Variants in SENP2 observed in about 807,000 individuals in gnomAD.
The protein encoded by SENP2 is SUMO specific peptidase 2, also known as sentrin-specific protease 2.
In SENP2, 16 loss-of-function variants were observed where a neutral mutation model predicts 86.3. The observed-to-expected ratio is 0.19, with a 90% CI of 0.13 to 0.28. The LOEUF (loss-of-function observed/expected upper bound fraction) is 0.28, where lower values mean the gene tolerates loss of function less well. Ranked by LOEUF, SENP2 falls within the 10% of genes least tolerant of loss-of-function variation. The pLI is 1.00. For synonymous variants in SENP2, 222 were observed against 238.7 expected (o/e 0.93, Z 0.64); for missense variants, 552 against 703.0 (o/e 0.79, Z 2.43).
At chr3:185,609,086 A>C (rs749416079) in intron 6 of SENP2, 161 bp from the exon 7 acceptor site, 8 of 549,214 alleles carry the variant, frequency 1.5e-5, no homozygotes, top group Non-Finnish European at 2.2e-5. Context: ...TGATCAAAGG[A>C]GGCTAGATTA....
At chr3:185,601,144 A>G (rs1425997486) in intron 5 of SENP2, among the ~76,000 whole-genome samples, 3 of 149,274 alleles carry the variant, frequency 2.0e-5, no homozygotes, top group African/African-American at 7.4e-5. Flanking sequence ...TCCAGGTTCA[A>G]GCAATTCTCC....
chr3:185,590,083 A>C, intron 1 of SENP2, 31 bp from the exon 2 acceptor site: 1 of 1,241,530 alleles, frequency 8.1e-7, no homozygotes, highest in African/African-American at 1.6e-5. Flanking sequence ...GTAAATCTAT[A>C]TATATATATT....
At chr3:185,594,702 C>T (rs905095362) in intron 2 of SENP2, among the ~76,000 whole-genome samples, 3 of 151,516 alleles carry the variant, frequency 2.0e-5, no homozygotes, top group South Asian at 4.1e-4. Context: ...TCACTGCAAC[C>T]TCCACCTCCC....
chr3:185,608,472 G>A (rs898322644), intron 6 of SENP2, among the ~76,000 whole-genome samples: 19 of 152,170 alleles, frequency 1.2e-4, no homozygotes, highest in Non-Finnish European at 2.4e-4. Flanking sequence ...CTATGTTTAT[G>A]GGGAAGATGA....
chr3:185,588,314 G>C (rs757707817), intron 1 of SENP2, among the ~76,000 whole-genome samples: 1 of 151,720 alleles, frequency 6.6e-6, no homozygotes, highest in Non-Finnish European at 1.5e-5. Context: ...CAGAGTGCTG[G>C]GATTACAGGC....
chr3:185,632,231 T>G lies in SENP2; in HGVS notation c.*2387T>G, dbSNP rs542316864. The G allele has an allele frequency of 7.2e-5, 8 of 110,640 alleles. No individual in the cohort carries two copies. The South Asian group carries it at 1.2e-3, about 17-fold the overall frequency. 6.9% of individuals were successfully genotyped at this position (110,640 alleles called of 1,614,324 possible). ...GCCAGTGGTTTTTTTTTTGTTTTTT[T>G]TTTTTGTTTTTTTTTTTTTTTTTTG... is the stretch of plus-strand genomic sequence containing the variant. On this transcript the variant is annotated 3_prime_UTR_variant, in exon 17 of 17. Coordinates refer to ENST00000296257, the MANE Select transcript of SENP2 (RefSeq NM_021627.3).
Position 185,598,992 on chromosome 3 carries a change from G to A in SENP2, c.326G>A (p.Gly109Asp). 6.2e-7 allele frequency: 1 copy of A among 1,613,172 alleles called. No individual in the cohort carries two copies. The highest frequency in any genetic ancestry group is 8.5e-7 in the Non-Finnish European group (1 of 1,179,708). Residue 109 changes from glycine to aspartate, a missense_variant, in exon 4 of 17, where the codon GGT becomes GAT. Physicochemically the swap from Gly to Asp is moderately conservative, Grantham distance 94. Transcript: ENST00000296257. ...FSNSSSCELT[G>D]SGSWNNMLKL... ...AACTCTTCATCTTGTGAACTGACAG[G>A]TTCTGGATCCTGGAACAACATGCTG...
rs909694492 is a variant in SENP2 at position 185,630,352 on chromosome 3, G to A, written c.*508G>A. 2.6e-5 allele frequency: 4 copies of A among 152,640 alleles called. No individual in the cohort carries two copies. Among genetic ancestry groups the A allele is most frequent in the Admixed American group, 2.0e-4 (3 of 15,330 alleles). 9.5% of individuals were successfully genotyped at this position (152,640 alleles called of 1,614,324 possible). A position where few individuals can be genotyped will look rare whatever the true frequency, so the allele number is the denominator to read the frequency against. On this transcript the variant is annotated 3_prime_UTR_variant, in exon 17 of 17. Transcript: ENST00000296257. ...AAGAGCAGGAGGGAACTCTCACTGG[G>A]GGCGGAAGGAAGTGGAGCTGGAGCA...
intron 8 of SENP2, 101 bp downstream of exon 8, chr3:185,611,846 C>A: frequency 1.2e-6 from 1 of 843,056 alleles, no homozygotes; most frequent in South Asian, 1.6e-5. Flanking sequence ...AGATGGTGTA[C>A]CAAAATACTG....
chr3:185,589,360 A>G (rs1721904263), intron 1 of SENP2, among the ~76,000 whole-genome samples: 1 of 152,260 alleles, frequency 6.6e-6, no homozygotes, highest in Non-Finnish European at 1.5e-5. Flanking sequence ...AAGGCTGTTC[A>G]TATTAATACT....
At chr3:185,609,467 C>A in intron 7 of SENP2, 117 bp downstream of exon 7, 1 of 677,926 alleles carries the variant, frequency 1.5e-6, no homozygotes, top group South Asian at 2.0e-5. Flanking sequence ...AGAGAACTAG[C>A]TCTGTCATTT....
At chr3:185,627,415 G>C (rs1712201655) in intron 16 of SENP2, among the ~76,000 whole-genome samples, 1 of 151,998 alleles carries the variant, frequency 6.6e-6, no homozygotes, top group Non-Finnish European at 1.5e-5. Context: ...TGTTTGTTTT[G>C]TTTTGTTTTG....
chr3:185,609,838 C>T (rs1200805725), intron 7 of SENP2, among the ~76,000 whole-genome samples: 3 of 152,076 alleles, frequency 2.0e-5, no homozygotes, highest in East Asian at 1.9e-4. Flanking sequence ...CTAGTCCCTG[C>T]GGCATCATAG....
At chr3:185,600,989 G>T in intron 5 of SENP2, 134 bp downstream of exon 5, 1 of 602,706 alleles carries the variant, frequency 1.7e-6, no homozygotes, top group Non-Finnish European at 3.0e-6. Context: ...TGAATGTCAT[G>T]CAGCCAGTGA....
intron 7 of SENP2, among the ~76,000 whole-genome samples, chr3:185,610,661 T>C (rs746423370): frequency 6.6e-6 from 1 of 152,180 alleles, no homozygotes; most frequent in Non-Finnish European, 1.5e-5. Flanking sequence ...TTTTGCTTTT[T>C]AAAGTTGCTG....
chr3:185,606,364 C>A lies in SENP2; in HGVS notation c.484C>A (p.Pro162Thr), dbSNP rs773593160. Residue 162 changes from proline (P) to threonine (T), a missense_variant, in exon 6 of 17, where the codon CCA (proline) becomes ACA (threonine). Around this residue, in one of 2 missense-constraint regions of SENP2, gnomAD observed 383 missense variants for 427.3 expected, o/e 0.90. Coordinates refer to ENST00000296257, the MANE Select transcript of SENP2 (RefSeq NM_021627.3). ...GAACTCAGAAGGCTGTAATAGAAGA[C>A]CAGGTGGCCGTCGCCATAGCAAAGG... ...TLNSEGCNRR[P>T]GGRRHSKGNP... 2.5e-6 allele frequency: 4 copies of A among 1,611,358 alleles called. No individual in the cohort carries two copies. Among genetic ancestry groups the A allele is most frequent in the Non-Finnish European group, 2.5e-6 (3 of 1,179,344 alleles).
At chr3:185,600,020 C>T (rs1023590383) in intron 4 of SENP2, among the ~76,000 whole-genome samples, 1 of 152,160 alleles carries the variant, frequency 6.6e-6, no homozygotes, top group Admixed American at 6.5e-5. Context: ...TGGTCTTGAA[C>T]TCCCGACCTC....
At chr3:185,618,094 G>A (rs1201797201) in intron 12 of SENP2, among the ~76,000 whole-genome samples, 6 of 152,216 alleles carry the variant, frequency 3.9e-5, no homozygotes, top group South Asian at 2.1e-4. Context: ...ACAGGCATGC[G>A]CCACCATGCC....
At chr3:185,616,703 AG>A (rs1374242282) in intron 11 of SENP2, among the ~76,000 whole-genome samples, 1 of 146,550 alleles carries the variant, frequency 6.8e-6, no homozygotes, top group Non-Finnish European at 1.5e-5. Flanking sequence ...TGACCCCGGG[AG>A]GCGGAGCTTG....
Sources: gnomAD v4.1 joint callset for allele counts (sites outside exome capture counted in the v4.1 genomes callset) on GRCh38, gnomAD v4.1.1 for gene constraint, gnomAD v4.1.1 regional missense constraint, MANE v1.5 for transcripts, NCBI Gene and HGNC (gene_info 2026-07-23, HGNC 2026-07-21) for gene names.